MCFD2: variants seen among roughly 807,000 people sequenced by gnomAD.
The protein encoded by MCFD2 is multiple coagulation factor deficiency 2, ER cargo receptor complex subunit.
MCFD2 carries 11 observed loss-of-function variants against 12.8 expected under a neutral mutation model. That is an observed-to-expected ratio of 0.86 (90% CI 0.54 to 1.42). The LOEUF is 1.42. Among genes scored for constraint, MCFD2 ranks in the 40% most tolerant of loss-of-function variants. The pLI is 0.00. For synonymous variants in MCFD2, 70 were observed against 68.1 expected (o/e 1.03, Z -0.14); for missense variants, 191 against 178.6 (o/e 1.07, Z -0.40).
At chr2:46,933,263 G>C (rs1001788252) in intron 1 of MCFD2, among the ~76,000 whole-genome samples, 2 of 152,212 alleles carry the variant, frequency 1.3e-5, no homozygotes, top group African/African-American at 4.8e-5. Context: ...GGAGGGCAGT[G>C]CCTGGAGAGA....
At chr2:46,919,297 G>A (rs1179392025), upstream of MCFD2, among the ~76,000 whole-genome samples, 1 of 152,264 alleles carries the variant, frequency 6.6e-6, no homozygotes, top group Non-Finnish European at 1.5e-5. Context: ...CACTTTGGGA[G>A]GCCGAGGCGG....
At position 46,941,523 on chromosome 2, in the gene MCFD2, T is replaced by A; in HGVS notation, c.-8+49A>T. 6.5e-7 allele frequency: 1 copy of A among 1,550,344 alleles called. No homozygotes were observed. The highest frequency in any genetic ancestry group is 1.2e-5 in the South Asian group (1 of 84,100). On this transcript the variant is annotated intron_variant, in intron 1 of 2. Coordinates refer to the MCFD2 transcript ENST00000409147. This position sits in a 1 kb window ranked among gnomAD's most constrained non-coding sequence, Gnocchi z 4.2. ...CTCCACTTCTTGGCCGCACCTTCCA[T>A]GACAGCGCCCGCGAGAAGATGGCTG...
intron 1 of MCFD2, chr2:46,914,259 T>A (rs1018029400): frequency 7.9e-5 from 12 of 152,266 alleles, no homozygotes; most frequent in African/African-American, 2.9e-4. Flanking sequence ...AGCACTAAGT[T>A]TGGGGCCAGC....
At chr2:46,929,460 G>A (rs1447150215) in intron 1 of MCFD2, among the ~76,000 whole-genome samples, 1 of 152,014 alleles carries the variant, frequency 6.6e-6, no homozygotes, top group Non-Finnish European at 1.5e-5. Flanking sequence ...CTCCAGCCTG[G>A]GCAACAGAGC....
rs4508650 is a variant in MCFD2 at position 46,937,628 on chromosome 2, G to T, written c.-8+3944C>A. Among the ~76,000 whole-genome samples, 121 of 152,284 alleles carry T rather than the reference G, an allele frequency of 7.9e-4. No homozygotes were observed. Among genetic ancestry groups the T allele is most frequent in the African/African-American group, 2.8e-3 (116 of 41,552 alleles). ...ATTTTTTATTTATTTTGTAGAGACA[G>T]GGTCTCACTAGATTGTCCAGGCTGG... On this transcript the variant is annotated intron_variant, in intron 1 of 2. Transcript: ENST00000409147. This position sits in a 1 kb window ranked among gnomAD's most constrained non-coding sequence, Gnocchi z 4.0.
chr2:46,920,505 A>C (rs1199654006), upstream of MCFD2, among the ~76,000 whole-genome samples: 1 of 151,664 alleles, frequency 6.6e-6, no homozygotes, highest in Non-Finnish European at 1.5e-5. Flanking sequence ...AATTTTTTGT[A>C]TTTTTAGTAG....
At chr2:46,922,745 G>C (rs1381879452) in intron 1 of MCFD2, among the ~76,000 whole-genome samples, 1 of 152,008 alleles carries the variant, frequency 6.6e-6, no homozygotes, top group Non-Finnish European at 1.5e-5. Context: ...AGGGGCGGGG[G>C]GCTCTTCCCA....
At chr2:46,913,762 GCAGTGCGCCTCCCAGTGCCTTGGCTGTCA>G (rs1478296267) in intron 1 of MCFD2, 1 of 152,636 alleles carries the variant, frequency 6.6e-6, no homozygotes, top group East Asian at 1.9e-4. Context: ...ACCATCAGGA[GCAGTGCGCCTCCCAGTGCCTTGGCTGTCA>G]CAGTGCTCCC....
At chr2:46,921,925 G>C (rs1669125943) in intron 1 of MCFD2, among the ~76,000 whole-genome samples, 1 of 152,204 alleles carries the variant, frequency 6.6e-6, no homozygotes, top group African/African-American at 2.4e-5. Context: ...CCCACCCAGT[G>C]CTCACTTCCT....
intron 1 of MCFD2, among the ~76,000 whole-genome samples, chr2:46,928,536 G>T (rs12472148): frequency 0.31 from 47,010 of 150,486 alleles, 8,566 homozygotes; most frequent in East Asian, 0.62. Context: ...GTGGGAAGCC[G>T]AGACAGGTGG....
At chr2:46,939,426 T>C (rs2103871076) in intron 1 of MCFD2, among the ~76,000 whole-genome samples, 1 of 152,230 alleles carries the variant, frequency 6.6e-6, no homozygotes, top group East Asian at 1.9e-4. Flanking sequence ...GGGTCCGGCG[T>C]ATGTTGAGGA....
intron 1 of MCFD2, chr2:46,912,765 A>T (rs1355145397): frequency 6.6e-6 from 1 of 152,198 alleles, no homozygotes; most frequent in African/African-American, 2.4e-5. Flanking sequence ...CTTTAAGAGG[A>T]CTTGGACTGA....
chr2:46,916,024 G>A (rs1451867183), upstream of MCFD2: 6 of 985,294 alleles, frequency 6.1e-6, no homozygotes, highest in African/African-American at 5.2e-5. Flanking sequence ...CAGTTGGGCC[G>A]CTGGACGCCC....
chr2:46,921,777 T>G (rs1285115519), intron 1 of MCFD2, among the ~76,000 whole-genome samples: 1 of 152,200 alleles, frequency 6.6e-6, no homozygotes, highest in Non-Finnish European at 1.5e-5. Context: ...ATTAGTTAGA[T>G]TCTCATAAGG....
chr2:46,911,318 G>A (rs1299551554), intron 1 of MCFD2, among the ~76,000 whole-genome samples: 2 of 151,740 alleles, frequency 1.3e-5, no homozygotes, highest in Admixed American at 6.6e-5. Context: ...AGTAGAGACA[G>A]GGTTTCACCA....
rs1434968562 is a variant in MCFD2 at position 46,904,410 on chromosome 2, G to T, written c.*1053C>A. The T allele has an allele frequency of 6.5e-6, 1 of 153,780 alleles. No individual in the cohort carries two copies. The highest frequency in any genetic ancestry group is 1.4e-5 in the Non-Finnish European group (1 of 69,372). The allele number at this position is 153,780 out of a possible 1,614,324, so 9.5% of individuals were successfully genotyped here. On this transcript the variant is annotated 3_prime_UTR_variant, in exon 4 of 4. Transcript: ENST00000319466. Reference sequence around the variant, plus strand: ...TGCACCTGGAAAAGCCGCAGGCACTGAACAACAGCCGTGAAAGCAGCCAGG... The same window carrying T: ...TGCACCTGGAAAAGCCGCAGGCACTTAACAACAGCCGTGAAAGCAGCCAGG...
chr2:46,941,056 G>A lies in MCFD2; in HGVS notation c.-8+516C>T, dbSNP rs1172512162. On this transcript the variant is annotated intron_variant, in intron 1 of 2. Coordinates refer to the MCFD2 transcript ENST00000409147. This position sits in a 1 kb window ranked among gnomAD's most constrained non-coding sequence, Gnocchi z 4.2. ...ACTCCGCGGCGGGGGCGGCGGCGGG[G>A]GGCGGGTACCCGGGCGGCCGCGAGC... The A allele has an allele frequency of 6.6e-6, 1 of 151,106 alleles. No individual in the cohort carries two copies. The highest frequency in any genetic ancestry group is 2.0e-4 in the East Asian group (1 of 5,102). The allele number at this position is 151,106 out of a possible 1,614,324, so 9.4% of individuals were successfully genotyped here. A position where few individuals can be genotyped will look rare whatever the true frequency, so the allele number is the denominator to read the frequency against.
intron 1 of MCFD2, among the ~76,000 whole-genome samples, chr2:46,927,837 A>G (rs1265044520): frequency 6.8e-6 from 1 of 146,080 alleles, no homozygotes; most frequent in Non-Finnish European, 1.5e-5. Context: ...AAAAAAACTG[A>G]GTGATTTATC....
At chr2:46,924,598 G>A (rs774045623) in intron 1 of MCFD2, among the ~76,000 whole-genome samples, 1 of 152,048 alleles carries the variant, frequency 6.6e-6, no homozygotes, top group Non-Finnish European at 1.5e-5. Context: ...ATATTCATAA[G>A]AGTACCTTAC....
Sources: gnomAD v4.1 joint callset for allele counts (sites outside exome capture counted in the v4.1 genomes callset) on GRCh38, gnomAD v4.1.1 for gene constraint, Gnocchi (gnomAD v3.1) non-coding constraint, MANE v1.5 for transcripts, NCBI Gene and HGNC (gene_info 2026-07-23, HGNC 2026-07-21) for gene names.